COL22A1: variants seen among roughly 807,000 people sequenced by gnomAD.
The protein encoded by COL22A1 is collagen type XXII alpha 1 chain, also known as collagen alpha-1(XXII) chain.
A neutral mutation model predicts 248.9 loss-of-function variants in COL22A1; 221 were observed. The ratio of observed to expected loss-of-function variants is 0.89; its 90% CI spans 0.80 to 0.99. COL22A1 has a LOEUF of 0.99. Ranked by LOEUF, COL22A1 falls within the 50% of genes least tolerant of loss-of-function variation. COL22A1 has a pLI of 0.00. For synonymous variants in COL22A1, 891 were observed against 793.4 expected (o/e 1.12, Z -2.07); for missense variants, 2,240 against 2,179.0 (o/e 1.03, Z -0.56).
intron 15 of COL22A1, among the ~76,000 whole-genome samples, chr8:138,777,264 C>T (rs1814556063): frequency 6.6e-6 from 1 of 152,162 alleles, no homozygotes; most frequent in South Asian, 2.1e-4. Flanking sequence ...GAGTACAGGG[C>T]CAAGGCCACA....
At chr8:138,875,704 A>C (rs376916422) in intron 3 of COL22A1, among the ~76,000 whole-genome samples, 2 of 151,806 alleles carry the variant, frequency 1.3e-5, no homozygotes, top group African/African-American at 4.8e-5. Context: ...TCCCCACCTA[A>C]CCCATCCCCT....
At chr8:138,758,855 G>A (rs774827637) in intron 18 of COL22A1, among the ~76,000 whole-genome samples, 1 of 152,098 alleles carries the variant, frequency 6.6e-6, no homozygotes, top group African/African-American at 2.4e-5. Flanking sequence ...TCCCAAATAT[G>A]AAGGGCCAAA....
chr8:138,653,657 T>C (rs1236716772), intron 45 of COL22A1, among the ~76,000 whole-genome samples: 4 of 152,308 alleles, frequency 2.6e-5, no homozygotes, highest in South Asian at 2.1e-4. Flanking sequence ...TAGAACTTAC[T>C]ACCCAGTCAG....
chr8:138,827,379 AC>A (rs1819673570), intron 5 of COL22A1: 1 of 154,694 alleles, frequency 6.5e-6, no homozygotes, highest in African/African-American at 2.4e-5. Flanking sequence ...GAGCTTGTTT[AC>A]CCCTCCCACC....
intron 56 of COL22A1, among the ~76,000 whole-genome samples, chr8:138,609,931 C>T (rs1439909084): frequency 6.6e-6 from 1 of 152,178 alleles, no homozygotes; most frequent in Admixed American, 6.5e-5. Flanking sequence ...ATCTCTGCTT[C>T]CCAGGAATGG....
intron 36 of COL22A1, among the ~76,000 whole-genome samples, chr8:138,690,344 T>A (rs1826739327): frequency 6.6e-6 from 1 of 152,086 alleles, no homozygotes; most frequent in African/African-American, 2.4e-5. Context: ...CAGAATCTCG[T>A]CAGGCCAAAA....
At chr8:138,687,800 T>C (rs1826480835) in intron 37 of COL22A1, among the ~76,000 whole-genome samples, 1 of 152,230 alleles carries the variant, frequency 6.6e-6, no homozygotes, top group African/African-American at 2.4e-5. Flanking sequence ...CTTGGCACTA[T>C]TGACCTTCAG....
intron 8 of COL22A1, among the ~76,000 whole-genome samples, chr8:138,812,491 G>A (rs1392927648): frequency 1.3e-5 from 2 of 152,208 alleles, no homozygotes; most frequent in African/African-American, 2.4e-5. Flanking sequence ...CAGAGGCTGA[G>A]GTCCGAGAAC....
At chr8:138,681,946 G>T (rs1825994285) in intron 39 of COL22A1, among the ~76,000 whole-genome samples, 1 of 152,132 alleles carries the variant, frequency 6.6e-6, no homozygotes, top group Admixed American at 6.5e-5. Flanking sequence ...TGTTTACAGA[G>T]GTCACCTCAC....
intron 30 of COL22A1, among the ~76,000 whole-genome samples, chr8:138,704,196 G>C (rs898008074): frequency 2.6e-5 from 4 of 152,214 alleles, no homozygotes; most frequent in African/African-American, 9.6e-5. Context: ...CCACCTCTGG[G>C]GGCAGGGCAT....
At chr8:138,622,251 C>A (rs570515314) in intron 52 of COL22A1, among the ~76,000 whole-genome samples, 2 of 152,146 alleles carry the variant, frequency 1.3e-5, no homozygotes, top group Non-Finnish European at 2.9e-5. Flanking sequence ...GCATCTGACA[C>A]ATTTTCTACA....
chr8:138,833,794 T>C (rs1459209529), intron 4 of COL22A1, among the ~76,000 whole-genome samples: 2 of 152,100 alleles, frequency 1.3e-5, no homozygotes, highest in Admixed American at 1.3e-4. Flanking sequence ...GGCTTTGGAC[T>C]TGGGTGAGGG....
Position 138,844,079 on chromosome 8 carries a change from C to T in COL22A1, c.733+5G>A, listed in dbSNP as rs200741131. The T allele has an allele frequency of 6.8e-5, 109 of 1,613,428 alleles. No homozygotes were observed. The African/African-American group carries it at 1.3e-3, about 19-fold the overall frequency. On this transcript the variant is annotated splice_donor_5th_base_variant and intron_variant, in intron 4 of 64. Transcript: ENST00000303045. ...AAGCACACGTGGTTATTGTTTTTCC[C>T]TTACCTGTGATTTCCTTGGTTCCTC...
In COL22A1 at chr8:138,751,487, C is replaced by G. The variant is rs189570333; in HGVS notation, c.2056G>C (p.Asp686His). 3.1e-6 allele frequency: 5 copies of G among 1,612,536 alleles called. No homozygotes were observed. The Admixed American group carries it at 8.4e-5, about 27-fold the overall frequency. The change falls in exon 22 of 65, where the codon GAT (aspartate) becomes CAT (histidine). Residue 686 changes from aspartate (D) to histidine (H), a missense_variant. Physicochemically the swap from Asp to His is moderately conservative, Grantham distance 81. Coordinates refer to ENST00000303045, the MANE Select transcript of COL22A1 (RefSeq NM_152888.3). ...ARGPIGPEGR[D>H]GPPGLQGLRG... ...AGACCTTGCAAACCAGGAGGTCCAT[C>G]CCTGCCTTCTGGGCCTATTGGACCC... is the stretch of plus-strand genomic sequence containing the variant.
chr8:138,643,754 C>A (rs931053046), intron 47 of COL22A1, among the ~76,000 whole-genome samples: 2 of 151,992 alleles, frequency 1.3e-5, no homozygotes, highest in Non-Finnish European at 2.9e-5. Flanking sequence ...GGCTGGAGTG[C>A]AGTGTCACAA....
Position 138,821,277 on chromosome 8 carries a change from G to A in COL22A1, c.1104C>T (p.Ala368=). ...DLFDRDWHKM[A]LSIQAQNVSL... ...AGACGTTCTGGGCCTGGATGCTCAGGGCCATCTTGTGCCAGTCCCGGTCAA... is the reference window on the plus strand; with the variant it reads ...AGACGTTCTGGGCCTGGATGCTCAGAGCCATCTTGTGCCAGTCCCGGTCAA... Residue 368 remains alanine, a synonymous_variant, in exon 7 of 65, where the codon GCC becomes GCT. Transcript: ENST00000303045. 2 of 1,614,178 alleles carry A rather than the reference G, an allele frequency of 1.2e-6. No homozygotes were observed. Among genetic ancestry groups the A allele is most frequent in the Non-Finnish European group, 1.7e-6 (2 of 1,180,030 alleles).
chr8:138,648,973 T>G (rs999001547), intron 46 of COL22A1, among the ~76,000 whole-genome samples: 9 of 152,346 alleles, frequency 5.9e-5, no homozygotes, highest in Non-Finnish European at 1.5e-5. Context: ...GCAGATTGTC[T>G]GTAATGCACA....
intron 24 of COL22A1, 42 bp from the exon 25 acceptor site, chr8:138,724,710 A>G: frequency 1.1e-5 from 18 of 1,588,740 alleles, no homozygotes; most frequent in Non-Finnish European, 1.5e-5. Context: ...TGGCCTGTTC[A>G]GAGATCAGAT....
rs181691243 is a variant in COL22A1, at chr8:138,662,890, C to G, written c.3187-807G>C. Among the ~76,000 whole-genome samples, 435 of 152,282 alleles carry G rather than the reference C, an allele frequency of 2.9e-3. 4 individuals carry two copies. Among genetic ancestry groups the G allele is most frequent in the African/African-American group, 9.6e-3 (400 of 41,574 alleles). ...CCTGTGCTGGGCATGGTGGCTCCCA[C>G]CTGTAATTCCAGCTACCGGGGAGGG... On this transcript the variant is annotated intron_variant, in intron 42 of 64. Coordinates refer to ENST00000303045, the MANE Select transcript of COL22A1 (RefSeq NM_152888.3).
Sources: allele counts gnomAD v4.1 joint callset (sites outside exome capture counted in the v4.1 genomes callset), GRCh38; gene constraint gnomAD v4.1.1; transcripts MANE v1.5; gene names NCBI Gene and HGNC (gene_info 2026-07-23, HGNC 2026-07-21).